Variants in REPS2 observed in about 807,000 individuals in gnomAD.
The protein encoded by REPS2 is RALBP1 associated Eps domain containing 2.
In REPS2, 23 loss-of-function variants were observed where a neutral mutation model predicts 53.6. The ratio of observed to expected loss-of-function variants is 0.43; its 90% confidence interval spans 0.31 to 0.61. The LOEUF is 0.61. Ranked by LOEUF, REPS2 falls within the 20% of genes least tolerant of loss-of-function variation. The pLI is 0.11. For missense variants in REPS2, 446 were observed against 534.9 expected (o/e 0.83, Z 1.64); for synonymous variants, 238 against 218.6 (o/e 1.09, Z -0.78).
intron 13 of REPS2, among the ~76,000 whole-genome samples, chrX:17,089,185 G>A (rs1442345081): frequency 9.0e-6 from 1 of 110,498 alleles, no homozygotes; most frequent in Non-Finnish European, 1.9e-5. Flanking sequence ...TAGATACTTG[G>A]AAATAATATA....
the REPS2 span, among the ~76,000 whole-genome samples, chrX:17,169,430 A>G: frequency 9.0e-6 from 1 of 111,679 alleles, no homozygotes; most frequent in African/African-American, 3.3e-5. Context: ...CTGTAATCCC[A>G]GCACTCTGGG....
chrX:17,147,657 A>G lies in REPS2; in HGVS notation c.*176A>G. ...TCACTTGTATGTTTTACTGTGGTGG[A>G]AAAAATACTTCAACTGATTATCACA... On this transcript the variant is annotated 3_prime_UTR_variant, in exon 18 of 18. Transcript: ENST00000357277. The G allele has an allele frequency of 2.8e-6, 1 of 354,591 alleles. No individual in the cohort carries two copies. 29.2% of individuals were successfully genotyped at this position (354,591 alleles called of 1,213,427 possible).
At chrX:17,053,362 TG>T (rs1320535508) in intron 7 of REPS2, among the ~76,000 whole-genome samples, 1 of 111,592 alleles carries the variant, frequency 9.0e-6, no homozygotes, top group Non-Finnish European at 1.9e-5. Flanking sequence ...GTTTTGTTTT[TG>T]TTTTGTTTTT....
At position 17,004,951 on chromosome X, in the gene REPS2, G is replaced by T. The variant is rs779583520; in HGVS notation, c.274-1270G>T. 3.5e-4 allele frequency among the ~76,000 whole-genome samples: 39 copies of T among 110,551 alleles called. 1 individual carries two copies. The South Asian group carries it at 0.014, about 40-fold the overall frequency. ...CTTGGCCTCAAGCGATCTTCCTTGA[G>T]GCCTCCCAAAGTGCTGAGGTTATAG... On this transcript the variant is annotated intron_variant, in intron 1 of 17. Coordinates refer to ENST00000357277, the MANE Select transcript of REPS2 (RefSeq NM_004726.3).
chrX:17,191,712 A>T, the REPS2 span, among the ~76,000 whole-genome samples: 3 of 112,856 alleles, frequency 2.7e-5, no homozygotes, highest in Admixed American at 2.8e-4. Context: ...TGAAATATTG[A>T]TACTTGCAAC....
chrX:17,113,205 A>G (rs752360944), intron 14 of REPS2, among the ~76,000 whole-genome samples: 2 of 101,100 alleles, frequency 2.0e-5, no homozygotes, highest in South Asian at 1.0e-3. Context: ...AATAGAGAAC[A>G]GAAAAACAAC....
intron 13 of REPS2, among the ~76,000 whole-genome samples, chrX:17,096,603 T>C (rs2062703381): frequency 1.3e-5 from 1 of 77,809 alleles, no homozygotes; most frequent in African/African-American, 5.2e-5. Context: ...GAGCTTGCAG[T>C]GAGCCGAGAT....
intron 1 of REPS2, among the ~76,000 whole-genome samples, chrX:16,986,844 G>A (rs1296542583): frequency 9.1e-6 from 1 of 110,012 alleles, no homozygotes; most frequent in Non-Finnish European, 1.9e-5. Context: ...AGCGGGGGAT[G>A]GTTGGTCCCC....
At chrX:16,977,335 C>T (rs901087848) in intron 1 of REPS2, among the ~76,000 whole-genome samples, 2 of 110,876 alleles carry the variant, frequency 1.8e-5, no homozygotes. Context: ...CCTGAGCCAG[C>T]TGGAAGGACT....
the REPS2 span, among the ~76,000 whole-genome samples, chrX:17,185,686 T>C: frequency 9.0e-6 from 1 of 111,505 alleles, no homozygotes; most frequent in Non-Finnish European, 1.9e-5. Context: ...ATTACCCAAG[T>C]TGGAATGGAG....
At chrX:17,040,293 G>A (rs912420004) in intron 5 of REPS2, among the ~76,000 whole-genome samples, 5 of 112,392 alleles carry the variant, frequency 4.4e-5, no homozygotes, top group African/African-American at 1.6e-4. Flanking sequence ...TTATAGTGTT[G>A]GATGACATTA....
At chrX:17,119,598 G>A (rs1261988607) in intron 14 of REPS2, among the ~76,000 whole-genome samples, 3 of 111,566 alleles carry the variant, frequency 2.7e-5, no homozygotes, top group Non-Finnish European at 5.6e-5. Context: ...TTTATCCTGC[G>A]TCACCCTCTC....
At chrX:17,053,637 C>T (rs775088175) in intron 7 of REPS2, among the ~76,000 whole-genome samples, 4 of 112,019 alleles carry the variant, frequency 3.6e-5, no homozygotes, top group South Asian at 3.7e-4. Context: ...CCACCATGCC[C>T]GGCCCTTATA....
intron 2 of REPS2, among the ~76,000 whole-genome samples, chrX:17,007,053 A>G (rs1391971424): frequency 1.8e-5 from 2 of 112,297 alleles, no homozygotes; most frequent in Admixed American, 1.9e-4. Flanking sequence ...ATTCAGTTTG[A>G]TACAGATTAC....
intron 1 of REPS2, among the ~76,000 whole-genome samples, chrX:16,991,479 G>C (rs949192416): frequency 1.8e-5 from 2 of 111,582 alleles, no homozygotes; most frequent in Non-Finnish European, 3.8e-5. Context: ...TTAGTGAATA[G>C]GTAAAATAAA....
chrX:16,970,946 T>A (rs2147693947), intron 1 of REPS2, among the ~76,000 whole-genome samples: 1 of 112,903 alleles, frequency 8.9e-6, no homozygotes, highest in South Asian at 3.6e-4. Context: ...AATGCTACTC[T>A]GAACACTTGT....
chrX:17,184,524 A>T, the REPS2 span, among the ~76,000 whole-genome samples: 66 of 108,155 alleles, frequency 6.1e-4, no homozygotes, highest in Non-Finnish European at 1.0e-3. Context: ...CATGATTTAT[A>T]GTCCTTTGGG....
intron 17 of REPS2, among the ~76,000 whole-genome samples, chrX:17,141,054 G>T (rs1044105256): frequency 8.9e-6 from 1 of 111,873 alleles, no homozygotes; most frequent in South Asian, 3.7e-4. Context: ...ACAGGCGTGA[G>T]CCACCGCGCC....
intron 1 of REPS2, among the ~76,000 whole-genome samples, chrX:16,980,762 A>G (rs1181456201): frequency 4.5e-5 from 5 of 112,272 alleles, no homozygotes; most frequent in Non-Finnish European, 9.4e-5. Flanking sequence ...CCTAAAAGGG[A>G]TCCATAAAGC....
Sources: allele counts gnomAD v4.1 joint callset (sites outside exome capture counted in the v4.1 genomes callset), GRCh38; gene constraint gnomAD v4.1.1; transcripts MANE v1.5; gene names NCBI Gene and HGNC (gene_info 2026-07-23, HGNC 2026-07-21).